The following SSBP2 variants were observed in gnomAD, a reference collection of about 807,000 sequenced individuals.
SSBP2 encodes the protein single stranded DNA binding protein 2.
A neutral mutation model predicts 61.8 loss-of-function variants in SSBP2; 17 were observed. The observed-to-expected ratio is 0.28, with a 90% CI of 0.19 to 0.41. The LOEUF is 0.41. Ranked by LOEUF, SSBP2 falls within the 10% of genes least tolerant of loss-of-function variation. SSBP2 has a pLI of 1.00. For synonymous variants in SSBP2, 139 were observed against 141.3 expected (o/e 0.98, Z 0.12); for missense variants, 310 against 458.7 (o/e 0.68, Z 2.96).
chr5:81,745,169 C>T (rs1757275957), intron 1 of SSBP2, among the ~76,000 whole-genome samples: 1 of 152,050 alleles, frequency 6.6e-6, no homozygotes. Context: ...TTAATGTCCT[C>T]ACACAAAGAA....
intron 2 of SSBP2, among the ~76,000 whole-genome samples, chr5:81,638,335 A>T (rs1043535013): frequency 1.4e-3 from 205 of 147,104 alleles, no homozygotes; most frequent in African/African-American, 4.7e-3. Flanking sequence ...AACCTGATTT[A>T]AAAAATAAAA....
chr5:81,523,635 G>A (rs1311076481), intron 4 of SSBP2, among the ~76,000 whole-genome samples: 2 of 151,976 alleles, frequency 1.3e-5, no homozygotes, highest in Admixed American at 6.6e-5. Context: ...TAGCATTCAT[G>A]TTATATGTTC....
At chr5:81,543,330 A>T (rs764530920) in intron 4 of SSBP2, among the ~76,000 whole-genome samples, 1 of 152,188 alleles carries the variant, frequency 6.6e-6, no homozygotes, top group Admixed American at 6.5e-5. Flanking sequence ...CTAAGAACAG[A>T]CTAATACACA....
intron 12 of SSBP2, among the ~76,000 whole-genome samples, chr5:81,445,138 T>TCATATATA: frequency 3.0e-5 from 1 of 33,888 alleles, no homozygotes; most frequent in East Asian, 1.8e-3. Context: ...AAAAAAAATT[T>TCATATATA]TATATATATA....
intron 1 of SSBP2, among the ~76,000 whole-genome samples, chr5:81,658,454 A>C (rs916924282): frequency 6.6e-6 from 1 of 152,224 alleles, no homozygotes; most frequent in Non-Finnish European, 1.5e-5. Context: ...TAGTATCTAC[A>C]CATAACCTGC....
chr5:81,698,837 G>T (rs1210166519), intron 1 of SSBP2, among the ~76,000 whole-genome samples: 2 of 152,076 alleles, frequency 1.3e-5, no homozygotes, highest in Non-Finnish European at 2.9e-5. Context: ...GCATACATTT[G>T]CCAGGTTCCA....
chr5:81,542,426 T>C (rs1771344731), intron 4 of SSBP2, among the ~76,000 whole-genome samples: 1 of 152,036 alleles, frequency 6.6e-6, no homozygotes, highest in Non-Finnish European at 1.5e-5. Flanking sequence ...CAAAAGTCAA[T>C]AAATCATTCT....
At chr5:81,529,504 T>C (rs931867287) in intron 4 of SSBP2, among the ~76,000 whole-genome samples, 1 of 152,146 alleles carries the variant, frequency 6.6e-6, no homozygotes, top group Non-Finnish European at 1.5e-5. Flanking sequence ...GTCTTCATAT[T>C]ACCTGGGAGA....
intron 2 of SSBP2, among the ~76,000 whole-genome samples, chr5:81,642,269 G>C (rs150909341): frequency 6.6e-6 from 1 of 152,078 alleles, no homozygotes; most frequent in Non-Finnish European, 1.5e-5. Context: ...TCTTTATTCT[G>C]TTTCTTTTTC....
At chr5:81,602,111 G>T (rs1278099659) in intron 4 of SSBP2, among the ~76,000 whole-genome samples, 1 of 152,050 alleles carries the variant, frequency 6.6e-6, no homozygotes, top group Non-Finnish European at 1.5e-5. Context: ...CTAGCCTCTT[G>T]TTTCCTCCAT....
At chr5:81,669,779 T>C (rs953334717) in intron 1 of SSBP2, among the ~76,000 whole-genome samples, 1 of 148,616 alleles carries the variant, frequency 6.7e-6, no homozygotes, top group African/African-American at 2.6e-5. Context: ...CCCTTTTTTT[T>C]GTTTTTAAAG....
chr5:81,674,700 T>TA (rs1224750685), intron 1 of SSBP2, among the ~76,000 whole-genome samples: 1 of 152,100 alleles, frequency 6.6e-6, no homozygotes, highest in African/African-American at 2.4e-5. Flanking sequence ...CCCTATAATT[T>TA]AAAAAAACAT....
At chr5:81,430,838 A>G (rs928494554) in intron 15 of SSBP2, among the ~76,000 whole-genome samples, 1 of 152,186 alleles carries the variant, frequency 6.6e-6, no homozygotes, top group Admixed American at 6.5e-5. Context: ...ACCTATTCCT[A>G]TTCAGCCTAC....
At chr5:81,436,185 C>CAAT (rs1762667217) in intron 15 of SSBP2, among the ~76,000 whole-genome samples, 1 of 54,566 alleles carries the variant, frequency 1.8e-5, no homozygotes, top group Non-Finnish European at 3.3e-5. Context: ...AAGACTCCAT[C>CAAT]AAAAAAAAAA....
intron 4 of SSBP2, among the ~76,000 whole-genome samples, chr5:81,549,503 T>C (rs1363905507): frequency 6.6e-6 from 1 of 152,198 alleles, no homozygotes. Context: ...AACCTACTTG[T>C]GTTATTGTAT....
chr5:81,582,698 A>G (rs2153478881), intron 4 of SSBP2, among the ~76,000 whole-genome samples: 1 of 152,106 alleles, frequency 6.6e-6, no homozygotes, highest in East Asian at 1.9e-4. Context: ...AGTTCAAGCA[A>G]TTTTCTTGCC....
chr5:81,732,462 C>T (rs945271789), intron 1 of SSBP2, among the ~76,000 whole-genome samples: 2 of 152,164 alleles, frequency 1.3e-5, no homozygotes, highest in African/African-American at 4.8e-5. Flanking sequence ...TACATATAAG[C>T]TATCACAACT....
intron 1 of SSBP2, among the ~76,000 whole-genome samples, chr5:81,749,847 G>T (rs931223884): frequency 6.6e-6 from 1 of 151,902 alleles, no homozygotes; most frequent in Non-Finnish European, 1.5e-5. Flanking sequence ...GCCGCCTCTT[G>T]GGCTCCCACC....
chr5:81,605,235 T>C (rs1744760303), intron 4 of SSBP2, among the ~76,000 whole-genome samples: 1 of 152,134 alleles, frequency 6.6e-6, no homozygotes, highest in Admixed American at 6.5e-5. Flanking sequence ...ACAGTGTCTA[T>C]CTTCTTATAC....
Sources: allele counts gnomAD v4.1 joint callset (sites outside exome capture counted in the v4.1 genomes callset), GRCh38; gene constraint gnomAD v4.1.1; transcripts MANE v1.5; gene names NCBI Gene and HGNC (gene_info 2026-07-23, HGNC 2026-07-21).